EPHB2: variants seen among roughly 807,000 people sequenced by gnomAD.
The protein encoded by EPHB2 is EPH receptor B2, also known as ephrin type-B receptor 2.
In EPHB2, 18 loss-of-function variants were observed where a neutral mutation model predicts 96.4. The ratio of observed to expected loss-of-function variants is 0.19; its 90% CI spans 0.13 to 0.28. The LOEUF (loss-of-function observed/expected upper bound fraction) is 0.28. Among genes scored for constraint, EPHB2 ranks in the 10% least tolerant of loss-of-function variants. The pLI, the probability that EPHB2 is intolerant of heterozygous loss-of-function variation, is 1.00. For missense variants in EPHB2, 989 were observed against 1,355.4 expected (o/e 0.73, Z 4.25); for synonymous variants, 506 against 534.1 (o/e 0.95, Z 0.72).
At chr1:22,801,332 C>T (rs1415036332) in intron 3 of EPHB2, among the ~76,000 whole-genome samples, 6 of 152,120 alleles carry the variant, frequency 3.9e-5, no homozygotes, top group African/African-American at 1.2e-4. Flanking sequence ...CCATGAATGC[C>T]CCCCTTCCTG....
intron 6 of EPHB2, among the ~76,000 whole-genome samples, chr1:22,883,714 G>A (rs1276983788): frequency 1.3e-5 from 2 of 152,156 alleles, no homozygotes; most frequent in African/African-American, 2.4e-5. Context: ...TAACCAGGCC[G>A]GTCTCCAGGG....
chr1:22,831,163 C>A (rs1645298187), intron 3 of EPHB2, among the ~76,000 whole-genome samples: 1 of 152,168 alleles, frequency 6.6e-6, no homozygotes, highest in Middle Eastern at 3.4e-3. Flanking sequence ...AGCCTGTACA[C>A]TTTGAAGAAC....
In EPHB2 at chr1:22,753,871, G is replaced by A. The variant is rs183333531; in HGVS notation, c.62-27550G>A. On this transcript the variant is annotated intron_variant, in intron 1 of 15. Coordinates refer to ENST00000374630, the MANE Select transcript of EPHB2 (RefSeq NM_017449.5). ...CAGCTTCTCGGCGTAATGAGCTCCA[G>A]ATGTGGTGAAAGGGCCTTCCCCAAA... is the stretch of plus-strand genomic sequence containing the variant. Among the ~76,000 whole-genome samples the A allele has an allele frequency of 2.5e-3, 380 of 152,298 alleles. 2 individuals carry two copies. Among genetic ancestry groups the A allele is most frequent in the African/African-American group, 7.2e-3 (298 of 41,562 alleles).
chr1:22,789,471 T>G (rs1313082949), intron 3 of EPHB2, among the ~76,000 whole-genome samples: 1 of 152,132 alleles, frequency 6.6e-6, no homozygotes, highest in Non-Finnish European at 1.5e-5. Flanking sequence ...CTAAACTGAT[T>G]CAATCTGACC....
At chr1:22,873,052 G>T (rs1425655135) in intron 5 of EPHB2, among the ~76,000 whole-genome samples, 2 of 152,202 alleles carry the variant, frequency 1.3e-5, no homozygotes, top group Non-Finnish European at 2.9e-5. Context: ...GGTTTTGGCT[G>T]CATATTCTAG....
intron 3 of EPHB2, among the ~76,000 whole-genome samples, chr1:22,825,008 G>T (rs1429957096): frequency 2.0e-5 from 3 of 152,244 alleles, no homozygotes; most frequent in Non-Finnish European, 4.4e-5. Flanking sequence ...TCTCAAGGAA[G>T]TATTCTCAAG....
intron 3 of EPHB2, among the ~76,000 whole-genome samples, chr1:22,853,705 G>T (rs2148512162): frequency 6.6e-6 from 1 of 152,402 alleles, no homozygotes; most frequent in Non-Finnish European, 1.5e-5. Context: ...TCCAGGAACT[G>T]GCAGTGCCTG....
intron 3 of EPHB2, among the ~76,000 whole-genome samples, chr1:22,791,934 A>G (rs1321520124): frequency 6.6e-6 from 1 of 152,186 alleles, no homozygotes; most frequent in African/African-American, 2.4e-5. Flanking sequence ...ATTACCCTCC[A>G]GAAAGGCTGG....
intron 9 of EPHB2, among the ~76,000 whole-genome samples, chr1:22,897,405 G>A (rs1417916637): frequency 6.6e-6 from 1 of 152,140 alleles, no homozygotes; most frequent in Non-Finnish European, 1.5e-5. Flanking sequence ...GGGTACAGAG[G>A]CCCATCATCA....
intron 1 of EPHB2, among the ~76,000 whole-genome samples, chr1:22,753,874 G>C (rs562987377): frequency 6.6e-6 from 1 of 152,324 alleles, no homozygotes; most frequent in African/African-American, 2.4e-5. Context: ...AGCTCCAGAT[G>C]TGGTGAAAGG....
chr1:22,885,114 G>A (rs1353514862), intron 6 of EPHB2, among the ~76,000 whole-genome samples: 3 of 152,144 alleles, frequency 2.0e-5, no homozygotes, highest in Non-Finnish European at 4.4e-5. Flanking sequence ...GGAGGGCCTC[G>A]AAGGAGCAGG....
In EPHB2 at chr1:22,785,198, G is replaced by T. The variant is rs572059373; in HGVS notation, c.811+122G>T. The T allele has an allele frequency of 7.5e-5, 95 of 1,266,058 alleles. No individual in the cohort carries two copies. In the East Asian group the frequency reaches 2.2e-3, roughly 29 times the overall value. The allele number at this position is 1,266,058 out of a possible 1,614,324, so 78.4% of individuals were successfully genotyped here. Reference sequence around the variant, plus strand: ...AGAGCTGACCATGAGGCACTCTAGGGCCAGGGTTTCCAAACCAGCAACCAT... The same window carrying T: ...AGAGCTGACCATGAGGCACTCTAGGTCCAGGGTTTCCAAACCAGCAACCAT... On this transcript the variant is annotated intron_variant, in intron 3 of 15. Transcript: ENST00000374630.
intron 9 of EPHB2, 93 bp downstream of exon 9, chr1:22,896,571 T>A: frequency 6.6e-7 from 1 of 1,506,868 alleles, no homozygotes; most frequent in Non-Finnish European, 9.2e-7. Flanking sequence ...CCTTCTGCCA[T>A]GCTGCAGGCA....
In EPHB2 at chr1:22,910,618, T is replaced by TGCCCCAGC. The variant is rs58906622; in HGVS notation, c.2696+43_2696+44insGCCCCAGC. 5 of 1,605,566 alleles carry TGCCCCAGC rather than the reference T, an allele frequency of 3.1e-6. No individual in the cohort carries two copies. In the African/African-American group the frequency reaches 5.4e-5, roughly 17 times the overall value. ...CCCTGCCCCAGCCAGGCCCTGCCCCTCTTCCCGTCTCCCATCCCTTCTGCC... is the reference window on the plus strand; with the variant it reads ...CCCTGCCCCAGCCAGGCCCTGCCCCTGCCCCAGCCTTCCCGTCTCCCATCCCTTCTGCC... On this transcript the variant is annotated intron_variant, in intron 14 of 15. Coordinates refer to ENST00000374630, the MANE Select transcript of EPHB2 (RefSeq NM_017449.5).
intron 5 of EPHB2, among the ~76,000 whole-genome samples, chr1:22,881,814 AACT>A (rs1363432075): frequency 6.6e-6 from 1 of 152,024 alleles, no homozygotes; most frequent in Non-Finnish European, 1.5e-5. Context: ...GCTGGTCTTG[AACT>A]CCTGACCTCA....
intron 1 of EPHB2, among the ~76,000 whole-genome samples, chr1:22,754,882 GTGAGGCGAGGGGCAGA>G (rs1557654825): frequency 8.6e-5 from 9 of 104,660 alleles, no homozygotes; most frequent in African/African-American, 1.9e-4. Flanking sequence ...GGCAGGTGAG[GTGAGGCGAGGGGCAGA>G]GGAGGTGAGG....
chr1:22,862,846 G>T (rs1570403926), intron 3 of EPHB2, among the ~76,000 whole-genome samples, 191 bp from the exon 4 acceptor site: 1 of 152,306 alleles, frequency 6.6e-6, no homozygotes, highest in African/African-American at 2.4e-5. Context: ...AAACTAGGGA[G>T]CCCTGACAGA....
In EPHB2 at chr1:22,816,783, G is replaced by A. The variant is rs191025368; in HGVS notation, c.811+31707G>A. On this transcript the variant is annotated intron_variant, in intron 3 of 15. Transcript: ENST00000374630. ...GATGGATAGGCAGGAGATGTATAAA[G>A]TCTAAAGTGATGAGGCTAATGGTGG... is the stretch of plus-strand genomic sequence containing the variant. 1.5e-3 allele frequency among the ~76,000 whole-genome samples: 233 copies of A among 152,330 alleles called. 1 individual carries two copies. Among genetic ancestry groups the A allele is most frequent in the African/African-American group, 5.2e-3 (218 of 41,578 alleles).
At chr1:22,797,924 G>A (rs1347146273) in intron 3 of EPHB2, among the ~76,000 whole-genome samples, 1 of 152,046 alleles carries the variant, frequency 6.6e-6, no homozygotes, top group African/African-American at 2.4e-5. Context: ...CTGCCCAAAT[G>A]TCACCTGCTC....
Sources: allele counts gnomAD v4.1 joint callset (sites outside exome capture counted in the v4.1 genomes callset), GRCh38; gene constraint gnomAD v4.1.1; transcripts MANE v1.5; gene names NCBI Gene and HGNC (gene_info 2026-07-23, HGNC 2026-07-21).